PTPRG: variants seen among roughly 807,000 people sequenced by gnomAD.
The protein encoded by PTPRG is protein tyrosine phosphatase receptor type G.
Under a neutral mutation model 165.3 loss-of-function variants are expected in PTPRG, and 102 were observed. That is an observed-to-expected ratio of 0.62 (90% CI 0.53 to 0.73). The LOEUF is 0.73. PTPRG is among the 30% of genes least tolerant of loss of function. The probability of loss-of-function intolerance (pLI) is 0.00; values close to 1 mark genes in which losing one functional copy is unlikely to be tolerated. For missense variants in PTPRG, 1,866 were observed against 1,861.4 expected (o/e 1.00, Z -0.05); for synonymous variants, 675 against 669.5 (o/e 1.01, Z -0.13).
Position 62,094,702 on chromosome 3 carries a change from C to T in PTPRG, c.615+16444C>T, listed in dbSNP as rs567257715. ...CCAGTTCTCTTCTAGTCCAACGTCC[C>T]CACTGAGGCTATCCAGGGCCTATGC... On this transcript the variant is annotated intron_variant, in intron 5 of 29. Transcript: ENST00000474889. Among the ~76,000 whole-genome samples, 15 of 152,308 alleles carry T rather than the reference C, an allele frequency of 9.8e-5. No individual in the cohort carries two copies. In the East Asian group the frequency reaches 2.9e-3, roughly 29 times the overall value.
intron 4 of PTPRG, among the ~76,000 whole-genome samples, chr3:62,060,746 A>G (rs975749913): frequency 3.3e-5 from 5 of 152,214 alleles, no homozygotes; most frequent in Non-Finnish European, 7.3e-5. Flanking sequence ...AATTGAAGTC[A>G]TTGTTTTATC....
intron 6 of PTPRG, 142 bp downstream of exon 6, chr3:62,132,810 A>G (rs1172590089): frequency 2.6e-6 from 2 of 780,838 alleles, no homozygotes; most frequent in Non-Finnish European, 4.5e-6. Flanking sequence ...GAGCCATTAT[A>G]TGATGGGTAA....
chr3:61,931,072 A>G (rs1283919017), intron 2 of PTPRG, among the ~76,000 whole-genome samples: 2 of 152,114 alleles, frequency 1.3e-5, no homozygotes, highest in African/African-American at 2.4e-5. Context: ...ATTGCTTAGA[A>G]GGGCCCAAAG....
intron 16 of PTPRG, among the ~76,000 whole-genome samples, chr3:62,258,282 A>G (rs548609819): frequency 6.6e-6 from 1 of 152,346 alleles, no homozygotes; most frequent in East Asian, 1.9e-4. Context: ...AAGAGGAGCT[A>G]AAACAACCCA....
At chr3:61,808,863 G>A (rs957965731) in intron 2 of PTPRG, among the ~76,000 whole-genome samples, 38 of 151,742 alleles carry the variant, frequency 2.5e-4, no homozygotes, top group African/African-American at 8.0e-4. Flanking sequence ...TGATCCAAGT[G>A]CTTTAAAGTT....
chr3:61,633,379 A>G (rs1432657342), intron 1 of PTPRG, among the ~76,000 whole-genome samples: 1 of 152,262 alleles, frequency 6.6e-6, no homozygotes, highest in Admixed American at 6.5e-5. Context: ...TCCAAGAGCC[A>G]GAAATGAAAG....
chr3:61,621,051 A>G (rs12632691), intron 1 of PTPRG, among the ~76,000 whole-genome samples: 33,735 of 118,076 alleles, frequency 0.29, 5,166 homozygotes, highest in East Asian at 0.45. Flanking sequence ...ATATATATAT[A>G]TGTGTGTGTG....
intron 1 of PTPRG, among the ~76,000 whole-genome samples, chr3:61,671,747 G>A (rs1240475562): frequency 7.0e-6 from 1 of 142,218 alleles, no homozygotes; most frequent in Non-Finnish European, 1.5e-5. Context: ...CTCCTGGACG[G>A]GGCGGCTGGC....
chr3:61,778,936 A>G (rs1202116829), intron 2 of PTPRG, among the ~76,000 whole-genome samples: 6 of 152,094 alleles, frequency 3.9e-5, no homozygotes, highest in Non-Finnish European at 8.8e-5. Context: ...TAGTGTGACA[A>G]TGAGGTCTGA....
chr3:61,836,050 G>A (rs1219221081), intron 2 of PTPRG, among the ~76,000 whole-genome samples: 3 of 90,728 alleles, frequency 3.3e-5, no homozygotes, highest in Non-Finnish European at 4.7e-5. Context: ...CACCCCCCGC[G>A]CCCCCCCCCA....
rs192997950 is a variant in PTPRG at position 62,121,161 on chromosome 3, G to A, written c.616-11441G>A. The stretch of plus-strand genomic sequence containing the variant: ...GTAAAGACGGGGTTTCACCATGTTA[G>A]CCAGGATGATCTCGATCTCCTGACC... On this transcript the variant is annotated intron_variant, in intron 5 of 29. Transcript: ENST00000474889. 4.0e-3 allele frequency among the ~76,000 whole-genome samples: 597 copies of A among 149,778 alleles called. 5 individuals are homozygous for A. The highest frequency in any genetic ancestry group is 0.014 in the African/African-American group (574 of 40,662).
At chr3:62,261,735 C>CT (rs2148857524) in intron 16 of PTPRG, 1 of 151,678 alleles carries the variant, frequency 6.6e-6, no homozygotes, top group East Asian at 1.9e-4. Context: ...ACCTTAAATT[C>CT]TTTGAGTACA....
At chr3:61,881,921 G>C (rs1268044679) in intron 2 of PTPRG, among the ~76,000 whole-genome samples, 3 of 152,118 alleles carry the variant, frequency 2.0e-5, no homozygotes, top group African/African-American at 7.2e-5. Flanking sequence ...TGACAGTCCT[G>C]CCCAACTCTT....
intron 13 of PTPRG, among the ~76,000 whole-genome samples, chr3:62,220,803 C>G (rs1363312973): frequency 1.3e-5 from 2 of 152,202 alleles, no homozygotes; most frequent in African/African-American, 4.8e-5. Flanking sequence ...TCTCTTGGCT[C>G]TGCTCAGCAC....
rs1193906748 is a variant in PTPRG at position 62,009,571 on chromosome 3, A to T, written c.519+6074A>T. 2.6e-5 allele frequency among the ~76,000 whole-genome samples: 4 copies of T among 152,274 alleles called. No individual in the cohort carries two copies. In the East Asian group the frequency reaches 7.7e-4, roughly 29 times the overall value. On this transcript the variant is annotated intron_variant, in intron 4 of 29. Transcript: ENST00000474889. ...ATTTGCCATCAATTTTATGAAGTCG[A>T]TCGGGGTTCTTCCCTGGAATACGTC... is the stretch of plus-strand genomic sequence containing the variant.
intron 4 of PTPRG, among the ~76,000 whole-genome samples, chr3:62,072,325 G>T (rs2661879): frequency 0.044 from 6,714 of 152,136 alleles, 478 homozygotes; most frequent in African/African-American, 0.15. Flanking sequence ...TTTAATGTGA[G>T]TTGTTTTGCC....
intron 5 of PTPRG, among the ~76,000 whole-genome samples, chr3:62,087,487 C>G (rs1701790681): frequency 6.6e-6 from 1 of 152,190 alleles, no homozygotes; most frequent in African/African-American, 2.4e-5. Context: ...TTGCTGAGGA[C>G]TTAACTGATG....
chr3:62,133,973 A>AT (rs1208627003), intron 6 of PTPRG, among the ~76,000 whole-genome samples: 2 of 151,828 alleles, frequency 1.3e-5, no homozygotes, highest in Non-Finnish European at 2.9e-5. Context: ...ACAGAGAGAG[A>AT]TTCTGTCTCA....
intron 14 of PTPRG, among the ~76,000 whole-genome samples, chr3:62,232,533 T>C (rs1700926741): frequency 6.6e-6 from 1 of 152,250 alleles, no homozygotes; most frequent in Non-Finnish European, 1.5e-5. Flanking sequence ...TATAAATATG[T>C]TGTGTTTTTG....
Sources: allele counts gnomAD v4.1 joint callset (sites outside exome capture counted in the v4.1 genomes callset), GRCh38; gene constraint gnomAD v4.1.1; transcripts MANE v1.5; gene names NCBI Gene and HGNC (gene_info 2026-07-23, HGNC 2026-07-21).